Variants in HDLBP observed in about 807,000 individuals in gnomAD.
HDLBP encodes the protein vigilin.
A neutral mutation model predicts 137.3 loss-of-function variants in HDLBP; 30 were observed. The ratio of observed to expected loss-of-function variants is 0.22; its 90% CI spans 0.16 to 0.30. The LOEUF (loss-of-function observed/expected upper bound fraction) is 0.30, where lower values mean the gene tolerates loss of function less well. Ranked by LOEUF, HDLBP falls within the 10% of genes least tolerant of loss-of-function variation. The pLI, the probability that HDLBP is intolerant of heterozygous loss-of-function variation, is 1.00. For synonymous variants in HDLBP, 606 were observed against 596.0 expected (o/e 1.02, Z -0.24); for missense variants, 1,119 against 1,667.3 (o/e 0.67, Z 5.73).
Position 241,242,533 on chromosome 2 carries a change from G to C in HDLBP, c.2096C>G (p.Thr699Ser). ...CGAGGAAGGGCCCCTGATAACAACG[G>C]TGTCGCTTCCTGAACCTTCCACGGG... The part of the protein sequence containing the change: ...HFPVEGSGSD[T>S]VVIRGPSSDV... The change falls in exon 17 of 28, where the codon ACC becomes AGC. Residue 699 changes from threonine to serine, a missense_variant. By Grantham distance (58) the Thr-to-Ser change is moderately conservative. Coordinates refer to ENST00000310931, the MANE Select transcript of HDLBP (RefSeq NM_005336.6). The C allele has an allele frequency of 1.2e-6, 2 of 1,614,158 alleles. No homozygotes were observed. The highest frequency in any genetic ancestry group is 1.7e-6 in the Non-Finnish European group (2 of 1,180,030).
rs1457666287 is a variant in HDLBP, at chr2:241,236,087, C to A, written c.2905-493G>T. ...CACCGCCCTTCACCTCCAGAACCTG[C>A]TTTCTTGCCACAGCATTTACCATCA... On this transcript the variant is annotated intron_variant, in intron 21 of 27. Coordinates refer to ENST00000310931, the MANE Select transcript of HDLBP (RefSeq NM_005336.6). 3 of 189,958 alleles carry A rather than the reference C, an allele frequency of 1.6e-5. No homozygotes were observed. In the Admixed American group the frequency reaches 1.6e-4, roughly 10 times the overall value. 11.8% of individuals were successfully genotyped at this position (189,958 alleles called of 1,614,324 possible). A position where few individuals can be genotyped will look rare whatever the true frequency, so the allele number is the denominator to read the frequency against.
At chr2:241,286,020 T>C (rs2074792029) in intron 1 of HDLBP, among the ~76,000 whole-genome samples, 1 of 152,146 alleles carries the variant, frequency 6.6e-6, no homozygotes, top group Non-Finnish European at 1.5e-5. Flanking sequence ...GACCTGTTTG[T>C]TTAAAAGAAA....
rs759629188 is a variant in HDLBP, at chr2:241,262,912, G to C, written c.249C>G (p.Pro83=). Residue 83 remains proline, a synonymous_variant, in exon 5 of 28, where the codon CCC becomes CCG. Transcript: ENST00000310931. Reference sequence around the variant, plus strand: ...TATCCTTGTATTTTCTCTCCTCCAGGGGTACATGGAACACCTGCTCAAAAA... The same window carrying C: ...TATCCTTGTATTTTCTCTCCTCCAGCGGTACATGGAACACCTGCTCAAAAA... ...ASVITQVFHV[P]LEERKYKDMN... The C allele has an allele frequency of 1.5e-5, 24 of 1,613,516 alleles. No homozygotes were observed. Among genetic ancestry groups the C allele is most frequent in the Non-Finnish European group, 1.1e-5 (13 of 1,179,624 alleles).
At position 241,297,913 on chromosome 2, in the gene HDLBP, T is replaced by G. The variant is rs565080944; in HGVS notation, c.-103+17657A>C. On this transcript the variant is annotated intron_variant, in intron 1 of 27. Coordinates refer to ENST00000310931, the MANE Select transcript of HDLBP (RefSeq NM_005336.6). ...AAATAAAAAAATTAGCCGGGCGTGG[T>G]GGCACACATCTGCAGTCCCAGCTAC... is the stretch of plus-strand genomic sequence containing the variant. Among the ~76,000 whole-genome samples, 10 of 151,530 alleles carry G rather than the reference T, an allele frequency of 6.6e-5. 1 individual carries two copies. In the East Asian group the frequency reaches 1.9e-3, roughly 29 times the overall value.
In HDLBP at chr2:241,264,555, C is replaced by A; in HGVS notation, c.127G>T (p.Ala43Ser). The change falls in exon 4 of 28, where the codon GCC becomes TCC. Residue 43 changes from alanine (A) to serine (S), a missense_variant. By Grantham distance (99) the Ala-to-Ser change is moderately conservative. Coordinates refer to ENST00000310931, the MANE Select transcript of HDLBP (RefSeq NM_005336.6). ...GCTTTCTCAGGAAGTGGAGGGAAGG[C>A]ATCCTTGTAGGTTGGAGGGTCGCTC... is the stretch of plus-strand genomic sequence containing the variant. ...EESDPPTYKD[A>S]FPPLPEKAAC... The A allele has an allele frequency of 6.2e-7, 1 of 1,613,850 alleles. No homozygotes were observed. Among genetic ancestry groups the A allele is most frequent in the Non-Finnish European group, 8.5e-7 (1 of 1,179,914 alleles).
At chr2:241,283,641 AT>A (rs1269224825) in intron 1 of HDLBP, among the ~76,000 whole-genome samples, 2 of 150,160 alleles carry the variant, frequency 1.3e-5, no homozygotes, top group East Asian at 2.0e-4. Flanking sequence ...CGCCCGGCTA[AT>A]TTTTTGTATT....
At chr2:241,275,022 A>T (rs1411660516) in intron 1 of HDLBP, among the ~76,000 whole-genome samples, 3 of 152,182 alleles carry the variant, frequency 2.0e-5, no homozygotes, top group Non-Finnish European at 2.9e-5. Context: ...CCACTAGTGT[A>T]GAGGGGACTA....
Position 241,229,913 on chromosome 2 carries a change from G to A in HDLBP, c.3640C>T (p.Pro1214Ser). 1.2e-6 allele frequency: 2 copies of A among 1,601,520 alleles called. No individual in the cohort carries two copies. Among genetic ancestry groups the A allele is most frequent in the Non-Finnish European group, 1.7e-6 (2 of 1,173,608 alleles). Residue 1214 changes from proline to serine, a missense_variant, in exon 27 of 28, where the codon CCA becomes TCA. By Grantham distance (74) the Pro-to-Ser change is moderately conservative (BLOSUM62 -1). Transcript: ENST00000310931. ...GGTGCCTTGGCCTCTTCGTGTGCTG[G>A]GGGTTTCATGTATACCTGCAGCGCC... The part of the protein sequence containing the change: ...SEALQVYMKP[P>S]AHEEAKAPSR...
intron 1 of HDLBP, among the ~76,000 whole-genome samples, chr2:241,297,730 G>C (rs950168436): frequency 3.3e-5 from 5 of 151,954 alleles, no homozygotes; most frequent in African/African-American, 1.2e-4. Flanking sequence ...TGTGGTACAA[G>C]AAAGAAAGAG....
At chr2:241,284,215 A>C (rs1320957989) in intron 1 of HDLBP, among the ~76,000 whole-genome samples, 1 of 152,236 alleles carries the variant, frequency 6.6e-6, no homozygotes, top group Non-Finnish European at 1.5e-5. Flanking sequence ...ATTATTTTTA[A>C]GGCTACAGCT....
chr2:241,271,169 G>A (rs2074010071), intron 1 of HDLBP: 1 of 980,200 alleles, frequency 1.0e-6, no homozygotes, highest in Non-Finnish European at 1.2e-6. Flanking sequence ...CCTCCCATAT[G>A]GCCCCAGTCC....
At position 241,258,346 on chromosome 2, in the gene HDLBP, CAAAAAAAA is replaced by C. The variant is rs34675892; in HGVS notation, c.451-1548_451-1541del. Among the ~76,000 whole-genome samples, 38 of 55,472 alleles carry C rather than the reference CAAAAAAAA, an allele frequency of 6.9e-4. No homozygotes were observed. In the South Asian group the frequency reaches 0.021, roughly 30 times the overall value. 36.4% of individuals were successfully genotyped at this position (55,472 alleles called of 152,430 possible). On this transcript the variant is annotated intron_variant, in intron 5 of 27. Transcript: ENST00000310931. Reference sequence around the variant, plus strand: ...TGGGCGACAGAGCAAGACTCCGTCTCAAAAAAAAAAAAAAAAAAAAAAAAAAAATTAGC... The same window carrying C: ...TGGGCGACAGAGCAAGACTCCGTCTCAAAAAAAAAAAAAAAAAAAATTAGC...
chr2:241,314,245 T>C (rs1429894176), intron 1 of HDLBP, among the ~76,000 whole-genome samples: 1 of 152,156 alleles, frequency 6.6e-6, no homozygotes, highest in Non-Finnish European at 1.5e-5. Context: ...CTTTTACATG[T>C]CAAAAAATCA....
intron 1 of HDLBP, among the ~76,000 whole-genome samples, chr2:241,286,652 C>T (rs2074823006): frequency 6.6e-6 from 1 of 152,216 alleles, no homozygotes; most frequent in African/African-American, 2.4e-5. Context: ...TCATCAGGAC[C>T]TCCTGAGGCT....
intron 1 of HDLBP, among the ~76,000 whole-genome samples, chr2:241,277,012 T>C (rs2074413578): frequency 1.4e-5 from 2 of 145,582 alleles, no homozygotes; most frequent in Admixed American, 1.4e-4. Context: ...ATTAAACAAA[T>C]AGTAAAGAAT....
Position 241,229,190 on chromosome 2 carries a change from T to A in HDLBP, c.*411A>T. The A allele has an allele frequency of 5.4e-6, 1 of 185,738 alleles. No homozygotes were observed. The highest frequency in any genetic ancestry group is 1.1e-5 in the Non-Finnish European group (1 of 88,056). 11.5% of individuals were successfully genotyped at this position (185,738 alleles called of 1,614,324 possible). On this transcript the variant is annotated 3_prime_UTR_variant, in exon 28 of 28. Transcript: ENST00000310931. ...CCAAGGGAAACTGGCAGGAGGGAGG[T>A]GGGAAAGGAAGAGGGCAAACGTTTG...
chr2:241,263,632 G>C (rs1158622362), intron 4 of HDLBP, among the ~76,000 whole-genome samples: 1 of 152,048 alleles, frequency 6.6e-6, no homozygotes, highest in Non-Finnish European at 1.5e-5. Flanking sequence ...CTAAAATTCA[G>C]GGAAGACACT....
chr2:241,260,443 G>A (rs2073059771), intron 5 of HDLBP, among the ~76,000 whole-genome samples: 1 of 152,216 alleles, frequency 6.6e-6, no homozygotes, highest in African/African-American at 2.4e-5. Context: ...TGACACTAAA[G>A]AGAGTCACTG....
chr2:241,289,590 A>T (rs1202761751), intron 1 of HDLBP, among the ~76,000 whole-genome samples: 1 of 152,234 alleles, frequency 6.6e-6, no homozygotes, highest in East Asian at 1.9e-4. Context: ...TGTCTCATCT[A>T]TAAAGAGAGA....
Sources: gnomAD v4.1 joint callset for allele counts (sites outside exome capture counted in the v4.1 genomes callset) on GRCh38, gnomAD v4.1.1 for gene constraint, MANE v1.5 for transcripts, NCBI Gene and HGNC (gene_info 2026-07-23, HGNC 2026-07-21) for gene names.